Variants in LGALS9 observed in about 807,000 individuals in gnomAD.
The protein encoded by LGALS9 is galectin-9.
In LGALS9, 26 loss-of-function variants were observed where a neutral mutation model predicts 35.9. That is an observed-to-expected ratio of 0.72 (90% CI 0.53 to 1.01). The LOEUF (loss-of-function observed/expected upper bound fraction) is 1.01. Among genes scored for constraint, LGALS9 ranks in the 50% least tolerant of loss-of-function variants. The probability of loss-of-function intolerance (pLI) is 0.00; values close to 1 mark genes in which losing one functional copy is unlikely to be tolerated. For missense variants in LGALS9, 347 were observed against 445.8 expected (o/e 0.78, Z 1.99); for synonymous variants, 149 against 172.2 (o/e 0.87, Z 1.06).
chr17:27,635,585 C>A (rs772925979), intron 1 of LGALS9, among the ~76,000 whole-genome samples: 1 of 152,088 alleles, frequency 6.6e-6, no homozygotes, highest in Non-Finnish European at 1.5e-5. Flanking sequence ...TTAGCCTGTC[C>A]TGTCCCGCCC....
intron 1 of LGALS9, among the ~76,000 whole-genome samples, chr17:27,636,371 A>ACCCT (rs1419514259): frequency 3.3e-5 from 5 of 152,070 alleles, no homozygotes; most frequent in Admixed American, 3.3e-4. Flanking sequence ...TTCATCCTAT[A>ACCCT]CCCTCCCTCG....
Position 27,642,559 on chromosome 17 carries a change from C to A in LGALS9, c.444+211C>A, listed in dbSNP as rs544778663. ...TTACTGTCTCTGTCCGGAACACCTGCCTTGGTCTCCCAGACTCCTCAGCTG... is the reference window on the plus strand; with the variant it reads ...TTACTGTCTCTGTCCGGAACACCTGACTTGGTCTCCCAGACTCCTCAGCTG... On this transcript the variant is annotated intron_variant, in intron 4 of 10. Coordinates refer to ENST00000395473, the MANE Select transcript of LGALS9 (RefSeq NM_009587.3). 21 of 1,084,898 alleles carry A rather than the reference C, an allele frequency of 1.9e-5. No homozygotes were observed. In the South Asian group the frequency reaches 3.2e-4, roughly 17 times the overall value. 67.2% of individuals were successfully genotyped at this position (1,084,898 alleles called of 1,614,324 possible).
Position 27,643,628 on chromosome 17 carries a change from C to G in LGALS9, c.540+8C>G. ...AGGGGGCGCAGACAAAAAGTGAGTT[C>G]AACACAGAGGCCCTGGGTGGCCGAG... On this transcript the variant is annotated splice_region_variant and intron_variant, in intron 5 of 10. Coordinates refer to ENST00000395473, the MANE Select transcript of LGALS9 (RefSeq NM_009587.3). The G allele has an allele frequency of 6.2e-7, 1 of 1,608,572 alleles. No individual in the cohort carries two copies. Among genetic ancestry groups the G allele is most frequent in the Non-Finnish European group, 8.5e-7 (1 of 1,178,020 alleles).
Position 27,631,211 on chromosome 17 carries a change from A to G in LGALS9, c.-55A>G, listed in dbSNP as rs375528996. Reference sequence around the variant, plus strand: ...TTCTTTGTTAAGTCGTTCCCTCTACAAAGGACTTCCTAGTGGGTGTGAAAG... The same window carrying G: ...TTCTTTGTTAAGTCGTTCCCTCTACGAAGGACTTCCTAGTGGGTGTGAAAG... On this transcript the variant is annotated 5_prime_UTR_variant, in exon 1 of 11. Coordinates refer to ENST00000395473, the MANE Select transcript of LGALS9 (RefSeq NM_009587.3). The G allele has an allele frequency of 3.8e-5, 62 of 1,613,084 alleles. No individual in the cohort carries two copies. Among genetic ancestry groups the G allele is most frequent in the Non-Finnish European group, 5.3e-5 (62 of 1,179,374 alleles).
intron 3 of LGALS9, chr17:27,641,005 A>G: frequency 1.3e-6 from 1 of 748,496 alleles, no homozygotes; most frequent in African/African-American, 1.7e-5. Flanking sequence ...TAAGAACTAG[A>G]GGAGTCATCA....
At chr17:27,634,689 C>T (rs2074425881) in intron 1 of LGALS9, among the ~76,000 whole-genome samples, 1 of 152,206 alleles carries the variant, frequency 6.6e-6, no homozygotes, top group Non-Finnish European at 1.5e-5. Context: ...TTATAGGATC[C>T]TTGTGATCAC....
At position 27,640,572 on chromosome 17, in the gene LGALS9, G is replaced by A. The variant is rs1390870940; in HGVS notation, c.132G>A (p.Arg44=). 6.2e-7 allele frequency: 1 copy of A among 1,613,940 alleles called. No individual in the cohort carries two copies. The highest frequency in any genetic ancestry group is 1.3e-5 in the African/African-American group (1 of 74,934). The part of the protein sequence containing the change: ...NGTVLSSSGT[R]FAVNFQTGFS... ...GACTATTTGCTTTCCCTGGGCCTAG[G>A]TTTGCTGTGAACTTTCAGACTGGCT... is the stretch of plus-strand genomic sequence containing the variant. The change falls in exon 3 of 11, where the codon AGG becomes AGA. Residue 44 remains arginine, a splice_region_variant and synonymous_variant. Transcript: ENST00000395473.
intron 2 of LGALS9, 116 bp from the exon 3 acceptor site, chr17:27,640,456 A>G (rs573917397): frequency 2.1e-6 from 3 of 1,455,450 alleles, no homozygotes; most frequent in Middle Eastern, 2.4e-4. Flanking sequence ...AGTCTCTGCC[A>G]TACAGGTTGT....
chr17:27,631,854 G>A (rs899113179), intron 1 of LGALS9, among the ~76,000 whole-genome samples: 2 of 151,974 alleles, frequency 1.3e-5, no homozygotes, highest in African/African-American at 4.8e-5. Flanking sequence ...TGCTTTGGGA[G>A]TGTTTCATGT....
chr17:27,635,248 C>T (rs1340854603), intron 1 of LGALS9, among the ~76,000 whole-genome samples: 1 of 152,072 alleles, frequency 6.6e-6, no homozygotes, highest in Non-Finnish European at 1.5e-5. Context: ...CTAGCCCAGG[C>T]AACACATAGA....
chr17:27,646,653 G>T (rs375659132), intron 8 of LGALS9, 65 bp downstream of exon 8: 2 of 1,608,548 alleles, frequency 1.2e-6, no homozygotes, highest in South Asian at 1.1e-5. Context: ...GTGAAGGGCC[G>T]CTGTGGGGGG....
chr17:27,632,761 C>T (rs921762521), intron 1 of LGALS9, among the ~76,000 whole-genome samples: 1 of 152,228 alleles, frequency 6.6e-6, no homozygotes, highest in African/African-American at 2.4e-5. Flanking sequence ...GCCTTGGAGT[C>T]CAGACAAGAA....
At chr17:27,642,857 G>A (rs1328011374) in intron 4 of LGALS9, among the ~76,000 whole-genome samples, 1 of 152,090 alleles carries the variant, frequency 6.6e-6, no homozygotes, top group Non-Finnish European at 1.5e-5. Context: ...CCCACACCAG[G>A]GTCTGTTTGA....
At position 27,647,046 on chromosome 17, in the gene LGALS9, C is replaced by G; in HGVS notation, c.686C>G (p.Thr229Ser). 1 of 1,614,074 alleles carries G rather than the reference C, an allele frequency of 6.2e-7. No individual in the cohort carries two copies. The highest frequency in any genetic ancestry group is 8.5e-7 in the Non-Finnish European group (1 of 1,179,944). The change falls in exon 9 of 11, where the codon ACC (threonine) becomes AGC (serine). Residue 229 changes from threonine (T) to serine (S), a missense_variant. Coordinates refer to ENST00000395473, the MANE Select transcript of LGALS9 (RefSeq NM_009587.3). ...PHPAYPMPFI[T>S]TILGGLYPSK... is the part of the protein sequence containing the mutation. ...TTCCGACAGCCGATGCCTTTCATCA[C>G]CACCATTCTGGGAGGGCTGTACCCA...
chr17:27,642,904 ATCTAAAAGGTCAGGAGAGT>A (rs1175828748), intron 4 of LGALS9, among the ~76,000 whole-genome samples: 1 of 152,164 alleles, frequency 6.6e-6, no homozygotes, highest in East Asian at 1.9e-4. Flanking sequence ...TGTTGCCAAC[ATCTAAAAGGTCAGGAGAGT>A]CAGGTATGGT....
chr17:27,631,320 A>G lies in LGALS9; in HGVS notation c.39+16A>G, dbSNP rs950375097. On this transcript the variant is annotated intron_variant, in intron 1 of 10. Coordinates refer to ENST00000395473, the MANE Select transcript of LGALS9 (RefSeq NM_009587.3). ...CCTGAGTCCAGTGAGTTCCAGGGCT[A>G]TGGGCACAGGGCTGCCTCAGCCAGA... is the stretch of plus-strand genomic sequence containing the variant. 7 of 1,613,844 alleles carry G rather than the reference A, an allele frequency of 4.3e-6. No individual in the cohort carries two copies. In the African/African-American group the frequency reaches 5.3e-5, roughly 12 times the overall value.
intron 10 of LGALS9, 48 bp from the exon 11 acceptor site, chr17:27,648,788 G>A: frequency 6.2e-7 from 1 of 1,611,720 alleles, no homozygotes; most frequent in Non-Finnish European, 8.5e-7. Flanking sequence ...CTGCAGTGAG[G>A]GTGGAGGACT....
chr17:27,640,844 T>G, intron 3 of LGALS9, 71 bp downstream of exon 3: 3 of 1,588,014 alleles, frequency 1.9e-6, no homozygotes, highest in Non-Finnish European at 2.6e-6. Flanking sequence ...GGCCTTTAAG[T>G]AATCACCTAA....
intron 1 of LGALS9, among the ~76,000 whole-genome samples, chr17:27,634,593 C>T (rs1567911198): frequency 1.3e-5 from 2 of 151,986 alleles, no homozygotes; most frequent in Admixed American, 1.3e-4. Context: ...ACAAAAACCC[C>T]CCAAAAACGC....
Sources: allele counts gnomAD v4.1 joint callset (sites outside exome capture counted in the v4.1 genomes callset), GRCh38; gene constraint gnomAD v4.1.1; transcripts MANE v1.5; gene names NCBI Gene and HGNC (gene_info 2026-07-23, HGNC 2026-07-21).